Variants in EEIG1 observed in about 807,000 individuals in gnomAD.
EEIG1 encodes estrogen-induced osteoclastogenesis regulator 1, also known as early estrogen-induced gene 1 protein.
At chr9:127,978,506 C>T in the EEIG1 span, among the ~76,000 whole-genome samples, 3 of 151,308 alleles carry the variant, frequency 2.0e-5, no homozygotes, top group Non-Finnish European at 2.9e-5. Flanking sequence ...AGGCCCTGCC[C>T]GCATACTATT....
chr9:127,947,836 G>C, the EEIG1 span, among the ~76,000 whole-genome samples: 1 of 152,152 alleles, frequency 6.6e-6, no homozygotes, highest in Admixed American at 6.5e-5. Flanking sequence ...GCAGGGCCTT[G>C]AGGATGGGGA....
the EEIG1 span, among the ~76,000 whole-genome samples, chr9:127,955,480 T>C: frequency 3.3e-5 from 5 of 152,220 alleles, no homozygotes; most frequent in African/African-American, 7.2e-5. Flanking sequence ...GAACCTGTGG[T>C]GTTGTGGGGC....
At chr9:127,951,772 G>A in the EEIG1 span, among the ~76,000 whole-genome samples, 21 of 147,032 alleles carry the variant, frequency 1.4e-4, no homozygotes, top group African/African-American at 4.8e-4. Flanking sequence ...AGCCGAGATC[G>A]CGCCACTGCA....
chr9:127,946,908 G>A, the EEIG1 span, among the ~76,000 whole-genome samples: 369 of 152,254 alleles, frequency 2.4e-3, 2 homozygotes, highest in African/African-American at 8.5e-3. Context: ...GTGACACCTT[G>A]TTCACTAATC....
the EEIG1 span, chr9:127,945,567 CA>C: frequency 6.4e-7 from 1 of 1,563,910 alleles, no homozygotes; most frequent in South Asian, 1.2e-5. The surrounding 1 kb of genome is among the most constrained non-coding windows in gnomAD (Gnocchi z 6.5). Context: ...TGTAGCCTGT[CA>C]GGGGCGACGC....
chr9:127,940,769 C>G, the EEIG1 span: 1 of 151,956 alleles, frequency 6.6e-6, no homozygotes, highest in South Asian at 2.1e-4. Flanking sequence ...ACCCCTCCGC[C>G]CATCTCCTTA....
At chr9:127,977,038 A>G in the EEIG1 span, among the ~76,000 whole-genome samples, 1 of 152,226 alleles carries the variant, frequency 6.6e-6, no homozygotes, top group East Asian at 1.9e-4. Context: ...CCAGGAACCC[A>G]GGAACCCCCG....
chr9:127,976,927 G>C, the EEIG1 span, among the ~76,000 whole-genome samples: 1 of 152,044 alleles, frequency 6.6e-6, no homozygotes, highest in African/African-American at 2.4e-5. This position sits in a 1 kb window ranked among gnomAD's most constrained non-coding sequence, Gnocchi z 4.1. Context: ...ACTCCAACCT[G>C]GAAACAATGG....
At chr9:127,952,987 G>A in the EEIG1 span, among the ~76,000 whole-genome samples, 76 of 152,304 alleles carry the variant, frequency 5.0e-4, no homozygotes, top group African/African-American at 1.3e-3. Context: ...AAAGTGCCAG[G>A]ATTATAGGCG....
At chr9:127,971,529 T>A in the EEIG1 span, among the ~76,000 whole-genome samples, 4 of 112,178 alleles carry the variant, frequency 3.6e-5, no homozygotes, top group African/African-American at 1.4e-4. Context: ...ACCTCGGGCC[T>A]GAAGAGGGAA....
the EEIG1 span, among the ~76,000 whole-genome samples, chr9:127,973,064 A>G: frequency 6.6e-6 from 1 of 152,200 alleles, no homozygotes; most frequent in South Asian, 2.1e-4. The surrounding 1 kb of genome is among the most constrained non-coding windows in gnomAD (Gnocchi z 4.2). Context: ...CTTTCTAAGC[A>G]AATCTGGTGT....
chr9:127,974,403 C>A, the EEIG1 span, among the ~76,000 whole-genome samples: 1 of 152,202 alleles, frequency 6.6e-6, no homozygotes, highest in African/African-American at 2.4e-5. Flanking sequence ...TACCCCAGCT[C>A]CTCGCCTGAC....
chr9:127,943,179 G>A, the EEIG1 span: 207 of 1,613,614 alleles, frequency 1.3e-4, no homozygotes, highest in Middle Eastern at 1.6e-4. Flanking sequence ...TCTCCAGCCC[G>A]GACACCTGCT....
At chr9:127,955,517 C>T in the EEIG1 span, among the ~76,000 whole-genome samples, 4 of 152,246 alleles carry the variant, frequency 2.6e-5, no homozygotes, top group Non-Finnish European at 4.4e-5. Context: ...TGCCCCAAGG[C>T]ACCGCCCAGG....
At chr9:127,969,422 T>G in the EEIG1 span, among the ~76,000 whole-genome samples, 2 of 152,136 alleles carry the variant, frequency 1.3e-5, no homozygotes, top group Non-Finnish European at 2.9e-5. Flanking sequence ...CTAGGGCCCT[T>G]ACAATAACTG....
the EEIG1 span, among the ~76,000 whole-genome samples, chr9:127,956,682 A>G: frequency 4.6e-5 from 7 of 151,042 alleles, no homozygotes; most frequent in Admixed American, 3.3e-4. Context: ...AAGTGCTGGG[A>G]TTACAGGCGT....
the EEIG1 span, chr9:127,943,035 T>A: frequency 1.4e-6 from 1 of 692,196 alleles, no homozygotes; most frequent in Non-Finnish European, 2.6e-6. Context: ...GGAGGGGCAA[T>A]GGAATGATGC....
chr9:127,969,059 G>T, the EEIG1 span, among the ~76,000 whole-genome samples: 1 of 152,186 alleles, frequency 6.6e-6, no homozygotes, highest in South Asian at 2.1e-4. Flanking sequence ...ATCCAAGATG[G>T]GTGTGGCCAA....
At chr9:127,953,457 C>T in the EEIG1 span, 1 of 822,330 alleles carries the variant, frequency 1.2e-6, no homozygotes, top group Non-Finnish European at 2.0e-6. Flanking sequence ...AATAACACAT[C>T]TCAGGTAGGG....
Sources: gnomAD v4.1 joint callset for allele counts (sites outside exome capture counted in the v4.1 genomes callset) on GRCh38, gnomAD v4.1.1 for gene constraint, Gnocchi (gnomAD v3.1) non-coding constraint, MANE v1.5 for transcripts, NCBI Gene and HGNC (gene_info 2026-07-23, HGNC 2026-07-21) for gene names.